Variants in MAP2K6 observed in about 807,000 individuals in gnomAD.
The protein encoded by MAP2K6 is dual specificity mitogen-activated protein kinase kinase 6.
In MAP2K6, 16 loss-of-function variants were observed where a neutral mutation model predicts 53.7. That is an observed-to-expected ratio of 0.30 (90% confidence interval 0.20 to 0.45). The LOEUF (loss-of-function observed/expected upper bound fraction) is 0.45. Among genes scored for constraint, MAP2K6 ranks in the 20% least tolerant of loss-of-function variants. The pLI, the probability that MAP2K6 is intolerant of heterozygous loss-of-function variation, is 1.00. For missense variants in MAP2K6, 204 were observed against 411.9 expected (o/e 0.50, Z 4.37); for synonymous variants, 132 against 143.1 (o/e 0.92, Z 0.55).
intron 11 of MAP2K6, among the ~76,000 whole-genome samples, chr17:69,539,604 G>A (rs1035802937): frequency 1.3e-5 from 2 of 151,994 alleles, no homozygotes; most frequent in African/African-American, 4.8e-5. Flanking sequence ...GATGCCTAGC[G>A]ATTTTCTTTT....
At chr17:69,452,003 T>A (rs562534925) in intron 1 of MAP2K6, among the ~76,000 whole-genome samples, 1 of 152,158 alleles carries the variant, frequency 6.6e-6, no homozygotes, top group South Asian at 2.1e-4. Flanking sequence ...ATGTTGAAGA[T>A]GATGAAGGCC....
At chr17:69,505,612 G>T in intron 1 of MAP2K6, 168 bp from the exon 2 acceptor site, 1 of 615,794 alleles carries the variant, frequency 1.6e-6, no homozygotes, top group Non-Finnish European at 3.0e-6. Context: ...TGTCCTACCT[G>T]GTGCTTGGGT....
intron 1 of MAP2K6, among the ~76,000 whole-genome samples, chr17:69,422,873 TTTTGTTTGTTTG>T (rs542012010): frequency 6.6e-6 from 1 of 151,952 alleles, no homozygotes; most frequent in South Asian, 2.1e-4. Flanking sequence ...CAGCTGTTGT[TTTTGTTTGTTTG>T]TTTGTTTGTT....
intron 1 of MAP2K6, among the ~76,000 whole-genome samples, chr17:69,469,148 T>G (rs2521367): frequency 0.64 from 97,737 of 152,072 alleles, 32,280 homozygotes; most frequent in East Asian, 0.9. Flanking sequence ...GGACTGTCGC[T>G]AGGTTCTAGG....
chr17:69,477,158 G>T (rs889004233), intron 1 of MAP2K6: 1 of 152,210 alleles, frequency 6.6e-6, no homozygotes, highest in Non-Finnish European at 1.5e-5. Flanking sequence ...AGACTTATTT[G>T]TCAATGTGAT....
rs1169352452 is a variant in MAP2K6, at chr17:69,494,177, GGAGGA to G, written c.17-11597_17-11593del. ...AACAAAATAATTGCATGAAGTTGCA[GGAGGA>G]GAGGAAAGGGAGAGGCAAAAAGAAA... On this transcript the variant is annotated intron_variant, in intron 1 of 11. Coordinates refer to ENST00000590474, the MANE Select transcript of MAP2K6 (RefSeq NM_002758.4). This position sits in a 1 kb window ranked among gnomAD's most constrained non-coding sequence, Gnocchi z 4.2. 2.0e-5 allele frequency among the ~76,000 whole-genome samples: 3 copies of G among 152,108 alleles called. No homozygotes were observed. The highest frequency in any genetic ancestry group is 4.4e-5 in the Non-Finnish European group (3 of 68,026).
intron 1 of MAP2K6, among the ~76,000 whole-genome samples, chr17:69,493,703 A>G (rs188335512): frequency 2.0e-5 from 3 of 152,042 alleles, no homozygotes; most frequent in Non-Finnish European, 2.9e-5. Context: ...AGAGGTTGCA[A>G]TGAGCTGAGA....
rs540734940 is a variant in MAP2K6, at chr17:69,539,041, A to G, written c.928-2635A>G. The stretch of plus-strand genomic sequence containing the variant: ...GTCATAGGTAGCTGATCCCTGTCCT[A>G]GATGATAATCACCAGAAAAGATAAC... On this transcript the variant is annotated intron_variant, in intron 11 of 11. Transcript: ENST00000590474. Among the ~76,000 whole-genome samples the G allele has an allele frequency of 2.2e-3, 332 of 152,320 alleles. 3 individuals are homozygous for G. Among genetic ancestry groups the G allele is most frequent in the African/African-American group, 7.5e-3 (313 of 41,576 alleles).
chr17:69,515,797 A>T (rs1311666659), intron 2 of MAP2K6, among the ~76,000 whole-genome samples: 2 of 152,204 alleles, frequency 1.3e-5, no homozygotes, highest in African/African-American at 2.4e-5. Flanking sequence ...CAGTCACTTT[A>T]CTTCTCTGGA....
At chr17:69,510,541 A>C (rs2715822) in intron 2 of MAP2K6, among the ~76,000 whole-genome samples, 76,839 of 151,936 alleles carry the variant, frequency 0.51, 20,175 homozygotes, top group African/African-American at 0.65. Context: ...GGTGCTAATT[A>C]TTTGGATGTT....
At position 69,488,657 on chromosome 17, in the gene MAP2K6, A is replaced by G. The variant is rs1908635600; in HGVS notation, c.17-17123A>G. ...CAAGCAAGTCAGTGCAGGAACAGAA[A>G]AGCGAGTACTGCATGCTCTCACTTA... is the stretch of plus-strand genomic sequence containing the variant. On this transcript the variant is annotated intron_variant, in intron 1 of 11. Transcript: ENST00000590474. Among the ~76,000 whole-genome samples, 3 of 152,216 alleles carry G rather than the reference A, an allele frequency of 2.0e-5. No homozygotes were observed. In the South Asian group the frequency reaches 6.2e-4, roughly 32 times the overall value.
At chr17:69,525,764 T>C (rs535230451) in intron 9 of MAP2K6, among the ~76,000 whole-genome samples, 30 of 152,112 alleles carry the variant, frequency 2.0e-4, no homozygotes, top group Non-Finnish European at 3.8e-4. Flanking sequence ...TCCCACAACA[T>C]GTAGGAATTA....
chr17:69,460,376 A>G (rs1907584091), intron 1 of MAP2K6, among the ~76,000 whole-genome samples: 1 of 152,184 alleles, frequency 6.6e-6, no homozygotes, highest in Non-Finnish European at 1.5e-5. Context: ...CTGCAGATAC[A>G]TGAGCAAGAC....
At chr17:69,540,549 G>A (rs1911563966) in intron 11 of MAP2K6, among the ~76,000 whole-genome samples, 1 of 152,184 alleles carries the variant, frequency 6.6e-6, no homozygotes, top group Admixed American at 6.5e-5. Context: ...TGAGCAATCT[G>A]GGGAGAATTG....
intron 10 of MAP2K6, among the ~76,000 whole-genome samples, chr17:69,532,723 C>A (rs1911144948): frequency 6.6e-6 from 1 of 152,094 alleles, no homozygotes; most frequent in Non-Finnish European, 1.5e-5. Context: ...AATAAACAGC[C>A]TTGCTTTGCG....
In MAP2K6 at chr17:69,553,713, C is replaced by G. The variant is rs919638167; in HGVS notation, c.*11960C>G. The G allele has an allele frequency of 6.6e-6, 1 of 152,156 alleles. No individual in the cohort carries two copies. Among genetic ancestry groups the G allele is most frequent in the Non-Finnish European group, 1.5e-5 (1 of 68,034 alleles). The allele number at this position is 152,156 out of a possible 1,614,324, so 9.4% of individuals were successfully genotyped here. On this transcript the variant is annotated 3_prime_UTR_variant, in exon 12 of 12. Transcript: ENST00000590474. Reference sequence around the variant, plus strand: ...ACAGTGATAATGGCAAAAAAAACACCCAACCACCTTTTTCCGTCAAAGTGC... The same window carrying G: ...ACAGTGATAATGGCAAAAAAAACACGCAACCACCTTTTTCCGTCAAAGTGC...
At chr17:69,512,480 C>T (rs926835743) in intron 2 of MAP2K6, among the ~76,000 whole-genome samples, 6 of 151,532 alleles carry the variant, frequency 4.0e-5, no homozygotes, top group African/African-American at 1.5e-4. Context: ...GCTGGGACTA[C>T]AGGCACCCGC....
At chr17:69,519,956 A>G (rs1910378372) in intron 5 of MAP2K6, 1 of 288,628 alleles carries the variant, frequency 3.5e-6, no homozygotes, top group Non-Finnish European at 6.4e-6. Context: ...TAACTCCTAG[A>G]CAGTGGTATC....
rs1297042518 is a variant in MAP2K6, at chr17:69,550,027, T to C, written c.*8274T>C. ...ATTTATTTGCAGTGTTGCTATATTA[T>C]AGAGATGATTTCCTATGGGAAAACC... On this transcript the variant is annotated 3_prime_UTR_variant, in exon 12 of 12. Coordinates refer to ENST00000590474, the MANE Select transcript of MAP2K6 (RefSeq NM_002758.4). 6.6e-6 allele frequency: 1 copy of C among 152,124 alleles called. No individual in the cohort carries two copies. Among genetic ancestry groups the C allele is most frequent in the Non-Finnish European group, 1.5e-5 (1 of 68,014 alleles). 9.4% of individuals were successfully genotyped at this position (152,124 alleles called of 1,614,324 possible). A position where few individuals can be genotyped will look rare whatever the true frequency, so the allele number is the denominator to read the frequency against.
Sources: gnomAD v4.1 joint callset for allele counts (sites outside exome capture counted in the v4.1 genomes callset) on GRCh38, gnomAD v4.1.1 for gene constraint, Gnocchi (gnomAD v3.1) non-coding constraint, MANE v1.5 for transcripts, NCBI Gene and HGNC (gene_info 2026-07-23, HGNC 2026-07-21) for gene names.